The following SCNN1A variants were observed in gnomAD, a reference collection of about 807,000 sequenced individuals.
SCNN1A encodes the protein sodium channel epithelial 1 subunit alpha.
Under a neutral mutation model 68.6 loss-of-function variants are expected in SCNN1A, and 65 were observed. That is an observed-to-expected ratio of 0.95 (90% CI 0.78 to 1.16). The LOEUF (loss-of-function observed/expected upper bound fraction) is 1.16, where lower values mean the gene tolerates loss of function less well. Ranked by LOEUF, SCNN1A falls within the 50% of genes most tolerant of loss-of-function variation. The pLI is 0.00. For synonymous variants in SCNN1A, 357 were observed against 353.3 expected (o/e 1.01, Z -0.12); for missense variants, 880 against 865.9 (o/e 1.02, Z -0.20).
intron 4 of SCNN1A, among the ~76,000 whole-genome samples, chr12:6,358,883 G>A (rs1948539589): frequency 6.7e-6 from 1 of 149,724 alleles, no homozygotes; most frequent in Admixed American, 6.6e-5. Flanking sequence ...AAAAAAAGGT[G>A]GTGTATCTAC....
At chr12:6,357,161 G>T (rs1370276244) in intron 4 of SCNN1A, among the ~76,000 whole-genome samples, 1 of 152,196 alleles carries the variant, frequency 6.6e-6, no homozygotes, top group Non-Finnish European at 1.5e-5. Flanking sequence ...GAAGGCTGGT[G>T]AGCCCTTCGC....
Position 6,351,757 on chromosome 12 carries a change from G to GGTTT in SCNN1A, c.1361-2356_1361-2353dup, listed in dbSNP as rs1948391456. Among the ~76,000 whole-genome samples the GGTTT allele has an allele frequency of 7.0e-6, 1 of 142,376 alleles. No individual in the cohort carries two copies. Among genetic ancestry groups the GGTTT allele is most frequent in the Non-Finnish European group, 1.5e-5 (1 of 67,868 alleles). 93.4% of individuals were successfully genotyped at this position (142,376 alleles called of 152,430 possible). A position where few individuals can be genotyped will look rare whatever the true frequency, so the allele number is the denominator to read the frequency against. On this transcript the variant is annotated intron_variant, in intron 8 of 12. Transcript: ENST00000228916. This position sits in a 1 kb window ranked among gnomAD's most constrained non-coding sequence, Gnocchi z 4.2. ...GCTTGGGACTTGCTAATGAGTACAA[G>GGTTT]GTTTATTTATTTATTTATCTGAGAC...
intron 5 of SCNN1A, 127 bp downstream of exon 5, chr12:6,355,650 T>C (rs1421764949): frequency 4.8e-5 from 44 of 907,790 alleles, no homozygotes; most frequent in Non-Finnish European, 7.6e-5. Flanking sequence ...GAACGGACTA[T>C]GTGGCACCTA....
At chr12:6,377,315 T>G (rs1327166832), upstream of SCNN1A, 1 of 1,485,426 alleles carries the variant, frequency 6.7e-7, no homozygotes, top group Non-Finnish European at 9.2e-7. Context: ...ATTGTCCTAA[T>G]GAAGAAACTG....
chr12:6,355,584 T>A lies in SCNN1A; in HGVS notation c.980-149A>T, dbSNP rs983518932. On this transcript the variant is annotated intron_variant, in intron 5 of 12. Coordinates refer to ENST00000228916, the MANE Select transcript of SCNN1A (RefSeq NM_001038.6). ...ACCCGCAAAGGGACCTGGCAACCCC[T>A]GAGCTGGAATCTGGAGGCAGGAGGA... The A allele has an allele frequency of 9.5e-6, 10 of 1,055,914 alleles. No individual in the cohort carries two copies. In the African/African-American group the frequency reaches 1.6e-4, roughly 17 times the overall value. 65.4% of individuals were successfully genotyped at this position (1,055,914 alleles called of 1,614,324 possible).
chr12:6,373,678 C>T (rs1271152449), intron 2 of SCNN1A, among the ~76,000 whole-genome samples: 2 of 152,196 alleles, frequency 1.3e-5, no homozygotes, highest in African/African-American at 4.8e-5. Flanking sequence ...TCAGGACACA[C>T]CCAAGCACGT....
At position 6,363,647 on chromosome 12, in the gene SCNN1A, G is replaced by A. The variant is rs757265424; in HGVS notation, c.480C>T (p.Asp160=). The A allele has an allele frequency of 6.2e-7, 1 of 1,612,036 alleles. No individual in the cohort carries two copies. Residue 160 remains aspartate (D), a synonymous_variant, in exon 3 of 13, where the codon GAC becomes GAT. Transcript: ENST00000228916. ...TGGTGAAGGAGCTGTATTTGTACAG[G>A]TCAAAGAGCGTCTGCTCTGTGATGC... The part of the protein sequence containing the change: ...LDRITEQTLF[D]LYKYSSFTTL...
upstream of SCNN1A, chr12:6,375,656 AG>A: frequency 6.8e-7 from 1 of 1,472,446 alleles, no homozygotes; most frequent in Non-Finnish European, 9.0e-7. Context: ...CGAAGGAAGG[AG>A]GGCTCCCGAG....
At chr12:6,369,021 G>A (rs756428700) in intron 2 of SCNN1A, among the ~76,000 whole-genome samples, 4 of 152,142 alleles carry the variant, frequency 2.6e-5, no homozygotes, top group Non-Finnish European at 5.9e-5. Flanking sequence ...AAGCGAATTT[G>A]CCTTTCTCAA....
At chr12:6,375,867 C>T (rs1948897885), upstream of SCNN1A, 1 of 1,303,928 alleles carries the variant, frequency 7.7e-7, no homozygotes, top group Non-Finnish European at 9.7e-7. Flanking sequence ...GGGTGGGGAA[C>T]CGGGAGGACA....
chr12:6,362,443 G>A (rs1208209094), intron 3 of SCNN1A, among the ~76,000 whole-genome samples: 3 of 152,186 alleles, frequency 2.0e-5, no homozygotes, highest in African/African-American at 4.8e-5. Context: ...TAAGGGAGTT[G>A]CAGGCCAGGA....
intron 4 of SCNN1A, among the ~76,000 whole-genome samples, chr12:6,360,713 T>C (rs911481600): frequency 2.0e-5 from 3 of 152,062 alleles, no homozygotes; most frequent in African/African-American, 4.8e-5. Flanking sequence ...GGCAGGGAGA[T>C]GGCTCCGGAA....
At chr12:6,375,347 C>T (rs2136916004) in intron 1 of SCNN1A, 158 bp downstream of exon 1, 1 of 1,447,794 alleles carries the variant, frequency 6.9e-7, no homozygotes, top group South Asian at 1.5e-5. Context: ...AGCCTCTGGC[C>T]CTGACCTCGA....
Position 6,348,019 on chromosome 12 carries a change from T to C in SCNN1A, c.1864A>G (p.Met622Val). 1 of 1,596,914 alleles carries C rather than the reference T, an allele frequency of 6.3e-7. No homozygotes were observed. Among genetic ancestry groups the C allele is most frequent in the Non-Finnish European group, 8.5e-7 (1 of 1,171,386 alleles). ...SPPSHFCPHP[M>V]SLSLSQPGPA... is the part of the protein sequence containing the mutation. Reference sequence around the variant, plus strand: ...CCTGGCTGGGACAAGGACAGAGACATGGGGTGGGGGCAGAAGTGGGAAGGA... The same window carrying C: ...CCTGGCTGGGACAAGGACAGAGACACGGGGTGGGGGCAGAAGTGGGAAGGA... The change falls in exon 13 of 13, where the codon ATG (methionine) becomes GTG (valine). Residue 622 changes from methionine (M) to valine (V), a missense_variant. Physicochemically the swap from Met to Val is conservative, Grantham distance 21. Transcript: ENST00000228916.
rs1466136827 is a variant in SCNN1A at position 6,374,695 on chromosome 12, C to T, written c.89G>A (p.Gly30Glu). The change falls in exon 2 of 13, where the codon GGG becomes GAG. Residue 30 changes from glycine (G) to glutamate (E), a missense_variant. Gly to Glu is a moderately conservative substitution (Grantham distance 98). Coordinates refer to ENST00000228916, the MANE Select transcript of SCNN1A (RefSeq NM_001038.6). The surrounding 1 kb of genome is among the most constrained non-coding windows in gnomAD (Gnocchi z 6.2). ...LMKGNKREEQ[G>E]LGPEPAAPQQ... Reference sequence around the variant, plus strand: ...GGGCGCCGCAGGTTCGGGGCCCAGCCCCTGCTCCTCACGCTTGTTCCCCTT... The same window carrying T: ...GGGCGCCGCAGGTTCGGGGCCCAGCTCCTGCTCCTCACGCTTGTTCCCCTT... 3 of 1,613,976 alleles carry T rather than the reference C, an allele frequency of 1.9e-6. No homozygotes were observed. Among genetic ancestry groups the T allele is most frequent in the South Asian group, 1.1e-5 (1 of 91,078 alleles).
intron 12 of SCNN1A, 64 bp from the exon 13 acceptor site, chr12:6,348,317 C>A (rs878965498): frequency 1.2e-6 from 2 of 1,610,680 alleles, no homozygotes; most frequent in Middle Eastern, 1.9e-4. Flanking sequence ...GGCAGAGGAG[C>A]CCCCTTCCCT....
Position 6,347,977 on chromosome 12 carries a change from CT to C in SCNN1A, c.1905del (p.Ala636ProfsTer2). 2 of 1,569,158 alleles carry C rather than the reference CT, an allele frequency of 1.3e-6. No individual in the cohort carries two copies. The highest frequency in any genetic ancestry group is 1.7e-6 in the Non-Finnish European group (2 of 1,153,962). ...SLSQPGPAPSPALTAPPPAYA... is the reference protein window; with the variant it reads ...SLSQPGPAPSXALTAPPPAYA... ...TAGGCAGGGGGAGGGGCTGTCAAGG[CT>C]GGAGAGGGAGCAGGGCCTGGCTGGG... is the stretch of plus-strand genomic sequence containing the variant. On this transcript the variant is annotated frameshift_variant, in exon 13 of 13. Coordinates refer to ENST00000228916, the MANE Select transcript of SCNN1A (RefSeq NM_001038.6). LOFTEE classifies it low-confidence loss of function (END_TRUNC).
chr12:6,377,097 A>G (rs972338306), upstream of SCNN1A: 281 of 597,478 alleles, frequency 4.7e-4, no homozygotes, highest in Non-Finnish European at 5.0e-5. Context: ...AATCTTGACA[A>G]GCAAGGAGTT....
chr12:6,371,985 C>T (rs1206868367), intron 2 of SCNN1A, among the ~76,000 whole-genome samples: 1 of 151,750 alleles, frequency 6.6e-6, no homozygotes, highest in East Asian at 1.9e-4. Flanking sequence ...TTAGTAGAGA[C>T]GGGGGTTTCA....
Sources: gnomAD v4.1 joint callset for allele counts (sites outside exome capture counted in the v4.1 genomes callset) on GRCh38, gnomAD v4.1.1 for gene constraint, Gnocchi (gnomAD v3.1) non-coding constraint, MANE v1.5 for transcripts, NCBI Gene and HGNC (gene_info 2026-07-23, HGNC 2026-07-21) for gene names.